KRT71: variants seen among roughly 807,000 people sequenced by gnomAD.
The protein encoded by KRT71 is keratin 71.
In KRT71, 42 loss-of-function variants were observed where a neutral mutation model predicts 46.2. The observed-to-expected ratio is 0.91, with a 90% CI of 0.71 to 1.18. KRT71 has a LOEUF of 1.18. Ranked by LOEUF, KRT71 falls within the 50% of genes most tolerant of loss-of-function variation. The probability of loss-of-function intolerance (pLI) is 0.00; values close to 1 mark genes in which losing one functional copy is unlikely to be tolerated. For synonymous variants in KRT71, 292 were observed against 277.8 expected, an observed-to-expected ratio of 1.05 and a Z score of -0.51; for missense variants, 708 against 677.9, an observed-to-expected ratio of 1.04 and a Z score of -0.49.
At chr12:52,548,937 G>C (rs1939109971) in intron 3 of KRT71, 141 bp from the exon 4 acceptor site, 2 of 732,032 alleles carry the variant, frequency 2.7e-6, no homozygotes, top group Admixed American at 2.4e-5. Context: ...AAGGAGCAAA[G>C]GCCCAGCCCT....
In KRT71 at chr12:52,552,757, G is replaced by A. The variant is rs1165401207; in HGVS notation, c.321C>T (p.Val107=). Residue 107 remains valine (V), a synonymous_variant, in exon 1 of 9, where the codon GTC becomes GTT. Transcript: ENST00000267119. Reference sequence around the variant, plus strand: ...TGAGGGGGGCCAGGAGGCTCTCATTGACGGTAACCTGGTGGATGCCTCCAG... The same window carrying A: ...TGAGGGGGGCCAGGAGGCTCTCATTAACGGTAACCTGGTGGATGCCTCCAG... ...CPPGGIHQVT[V]NESLLAPLNV... 12 of 1,614,076 alleles carry A rather than the reference G, an allele frequency of 7.4e-6. No individual in the cohort carries two copies. Among genetic ancestry groups the A allele is most frequent in the African/African-American group, 1.3e-5 (1 of 74,938 alleles).
chr12:52,549,338 G>A lies in KRT71; in HGVS notation c.672C>T (p.Ile224=). The A allele has an allele frequency of 6.2e-7, 1 of 1,613,812 alleles. No individual in the cohort carries two copies. Among genetic ancestry groups the A allele is most frequent in the South Asian group, 1.1e-5 (1 of 91,072 alleles). ...EDYKKRYEEE[I]NKRTAAENEF... is the part of the protein sequence containing the mutation. ...CGTTCTCTGCTGCTGTCCGCTTGTT[G>A]ATTTCCTCCTCATACCTGTGGGAAT... The change falls in exon 3 of 9, where the codon ATC becomes ATT. Residue 224 remains isoleucine, a synonymous_variant. Coordinates refer to ENST00000267119, the MANE Select transcript of KRT71 (RefSeq NM_033448.3).
chr12:52,550,562 G>A (rs1484254786), intron 1 of KRT71, among the ~76,000 whole-genome samples: 1 of 152,234 alleles, frequency 6.6e-6, no homozygotes, highest in Admixed American at 6.5e-5. Flanking sequence ...AATACCAGCA[G>A]AGAAGCCAGG....
chr12:52,552,271 T>C (rs953286409), intron 1 of KRT71, among the ~76,000 whole-genome samples: 2 of 152,234 alleles, frequency 1.3e-5, no homozygotes, highest in Non-Finnish European at 1.5e-5. Context: ...CAGGGCAGCA[T>C]GCCAGGGGAG....
At chr12:52,550,489 C>T (rs972685203) in intron 1 of KRT71, among the ~76,000 whole-genome samples, 22 of 152,212 alleles carry the variant, frequency 1.4e-4, no homozygotes, top group African/African-American at 4.3e-4. Context: ...CCCTGTAACC[C>T]GTGCATGCAA....
At chr12:52,548,902 TC>T in intron 3 of KRT71, 106 bp from the exon 4 acceptor site, 1 of 991,138 alleles carries the variant, frequency 1.0e-6, no homozygotes, top group Non-Finnish European at 1.6e-6. Flanking sequence ...TCTCTTCTCT[TC>T]ACTTTGCCTT....
At chr12:52,551,298 C>G (rs1424043246) in intron 1 of KRT71, among the ~76,000 whole-genome samples, 2 of 152,210 alleles carry the variant, frequency 1.3e-5, no homozygotes, top group Non-Finnish European at 2.9e-5. Context: ...TCCTTCCCCT[C>G]CCTCTGGGCA....
intron 3 of KRT71, among the ~76,000 whole-genome samples, 166 bp downstream of exon 3, chr12:52,549,127 C>T (rs1333954235): frequency 6.6e-6 from 1 of 152,190 alleles, no homozygotes; most frequent in Non-Finnish European, 1.5e-5. Context: ...CCCTCCCTGC[C>T]TTTTCATTCT....
chr12:52,548,006 C>A, intron 5 of KRT71, 24 bp from the exon 6 acceptor site: 1 of 1,596,862 alleles, frequency 6.3e-7, no homozygotes, highest in South Asian at 1.1e-5. Flanking sequence ...AGCACAGAGT[C>A]ATGAGTGTGT....
intron 2 of KRT71, 131 bp from the exon 3 acceptor site, chr12:52,549,484 G>C: frequency 2.7e-6 from 2 of 731,352 alleles, no homozygotes; most frequent in South Asian, 3.1e-5. Flanking sequence ...TACTGGGCAG[G>C]GGTAAGTGGG....
At chr12:52,546,136 G>C in intron 7 of KRT71, 150 bp downstream of exon 7, 1 of 825,570 alleles carries the variant, frequency 1.2e-6, no homozygotes, top group African/African-American at 1.7e-5. Context: ...TCCACTCATG[G>C]TAGTATTGTT....
In KRT71 at chr12:52,545,585, A is replaced by C; in HGVS notation, c.1340T>G (p.Phe447Cys). 1.9e-6 allele frequency: 3 copies of C among 1,553,670 alleles called. No homozygotes were observed. The highest frequency in any genetic ancestry group is 2.7e-6 in the Non-Finnish European group (3 of 1,128,550). ...CTTACAGATGCTGACAGGGGAGGGAAATTCTCCTGACATCCTATTAAGGAG... is the reference window on the plus strand; with the variant it reads ...CTTACAGATGCTGACAGGGGAGGGACATTCTCCTGACATCCTATTAAGGAG... Reference protein sequence around the residue: ...ESEECRMSGEFPSPVSISIIS... With the variant: ...ESEECRMSGECPSPVSISIIS... Residue 447 changes from phenylalanine (F) to cysteine (C), a missense_variant, in exon 8 of 9, where the codon TTT becomes TGT. Phe to Cys is a radical substitution (Grantham distance 205). Transcript: ENST00000267119.
intron 2 of KRT71, 116 bp from the exon 3 acceptor site, chr12:52,549,469 C>T: frequency 1.2e-6 from 1 of 851,126 alleles, no homozygotes. Flanking sequence ...CTGGGGGCCG[C>T]AGAGTACTGG....
rs144902200 is a variant in KRT71 at position 52,545,166 on chromosome 12, C to T, written c.1360+399G>A. Among the ~76,000 whole-genome samples the T allele has an allele frequency of 1.2e-3, 177 of 152,308 alleles. 1 individual carries two copies. In the Middle Eastern group the frequency reaches 0.014, roughly 12 times the overall value. Reference sequence around the variant, plus strand: ...TAAGCAATGCAGTGATCTGATACTGCCAGCTTGACCTCTAAGATCCCTCAT... The same window carrying T: ...TAAGCAATGCAGTGATCTGATACTGTCAGCTTGACCTCTAAGATCCCTCAT... On this transcript the variant is annotated intron_variant, in intron 8 of 8. Coordinates refer to ENST00000267119, the MANE Select transcript of KRT71 (RefSeq NM_033448.3).
In KRT71 at chr12:52,552,443, CCT is replaced by C. The variant is rs1244202851; in HGVS notation, c.441+192_441+193del. ...GCCTCTGCCAGTAGAAATTGACCTG[CCT>C]CTGTTTTCTCTCTGGAAAGACAACA... On this transcript the variant is annotated intron_variant, in intron 1 of 8. Transcript: ENST00000267119. 2.0e-5 allele frequency among the ~76,000 whole-genome samples: 3 copies of C among 152,252 alleles called. No homozygotes were observed. The East Asian group carries it at 5.8e-4, about 29-fold the overall frequency.
chr12:52,550,795 T>G (rs1324227757), intron 1 of KRT71, among the ~76,000 whole-genome samples: 1 of 152,202 alleles, frequency 6.6e-6, no homozygotes, highest in Non-Finnish European at 1.5e-5. Context: ...TGGAACATGA[T>G]GGACAGATGG....
In KRT71 at chr12:52,552,944, C is replaced by T. The variant is rs370842260; in HGVS notation, c.134G>A (p.Ser45Asn). The T allele has an allele frequency of 1.2e-6, 2 of 1,614,070 alleles. No individual in the cohort carries two copies. The highest frequency in any genetic ancestry group is 2.7e-5 in the African/African-American group (2 of 74,952). The change falls in exon 1 of 9, where the codon AGC becomes AAC. Residue 45 changes from serine (S) to asparagine (N), a missense_variant. Physicochemically the swap from Ser to Asn is conservative, Grantham distance 46 (BLOSUM62 1). Coordinates refer to ENST00000267119, the MANE Select transcript of KRT71 (RefSeq NM_033448.3). The part of the protein sequence containing the change: ...GSKGLSGGFG[S>N]RSLYSLGGVR... Reference sequence around the variant, plus strand: ...ACCCCCCAGGCTGTAGAGGCTCCGGCTGCCAAAGCCCCCACTGAGCCCTTT... The same window carrying T: ...ACCCCCCAGGCTGTAGAGGCTCCGGTTGCCAAAGCCCCCACTGAGCCCTTT...
In KRT71 at chr12:52,552,758, A is replaced by G; in HGVS notation, c.320T>C (p.Val107Ala). Reference sequence around the variant, plus strand: ...GAGGGGGGCCAGGAGGCTCTCATTGACGGTAACCTGGTGGATGCCTCCAGG... The same window carrying G: ...GAGGGGGGCCAGGAGGCTCTCATTGGCGGTAACCTGGTGGATGCCTCCAGG... ...CPPGGIHQVT[V>A]NESLLAPLNV... Residue 107 changes from valine to alanine, a missense_variant, in exon 1 of 9, where the codon GTC becomes GCC. Coordinates refer to ENST00000267119, the MANE Select transcript of KRT71 (RefSeq NM_033448.3). The G allele has an allele frequency of 1.9e-6, 3 of 1,614,142 alleles. No homozygotes were observed. Among genetic ancestry groups the G allele is most frequent in the Non-Finnish European group, 2.5e-6 (3 of 1,180,004 alleles).
intron 8 of KRT71, 36 bp from the exon 9 acceptor site, chr12:52,544,779 A>G (rs761923016): frequency 7.0e-6 from 11 of 1,567,000 alleles, no homozygotes; most frequent in Non-Finnish European, 1.7e-6. Flanking sequence ...CCACTCAGGC[A>G]GAGAGCTGGG....
Sources: gnomAD v4.1 joint callset for allele counts (sites outside exome capture counted in the v4.1 genomes callset) on GRCh38, gnomAD v4.1.1 for gene constraint, MANE v1.5 for transcripts, NCBI Gene and HGNC (gene_info 2026-07-23, HGNC 2026-07-21) for gene names.